The following NAA15 variants were observed in gnomAD, a reference collection of about 807,000 sequenced individuals.
NAA15 encodes the protein N-terminal acetyltransferase.
In NAA15, 34 loss-of-function variants were observed where a neutral mutation model predicts 114.0. The observed-to-expected ratio is 0.30, with a 90% CI of 0.23 to 0.40. NAA15 has a LOEUF of 0.40. NAA15 is among the 10% of genes least tolerant of loss of function. The pLI is 1.00. For synonymous variants in NAA15, 340 were observed against 338.0 expected (o/e 1.01, Z -0.06); for missense variants, 658 against 1,004.5 (o/e 0.66, Z 4.66).
intron 1 of NAA15, among the ~76,000 whole-genome samples, chr4:139,332,457 C>G (rs1747046898): frequency 6.6e-6 from 1 of 151,648 alleles, no homozygotes; most frequent in South Asian, 2.1e-4. Context: ...AAAATTTATC[C>G]TAATTTCTTT....
chr4:139,342,083 C>T (rs931170413), intron 4 of NAA15, among the ~76,000 whole-genome samples: 3 of 152,116 alleles, frequency 2.0e-5, no homozygotes, highest in Admixed American at 6.6e-5. Context: ...TTTGTAGCTT[C>T]GATTTTAACC....
intron 1 of NAA15, among the ~76,000 whole-genome samples, chr4:139,327,833 T>G (rs1197764721): frequency 6.6e-6 from 1 of 151,668 alleles, no homozygotes; most frequent in Non-Finnish European, 1.5e-5. Flanking sequence ...ACCCCGCTAA[T>G]TTTGTATTTT....
intron 14 of NAA15, 78 bp from the exon 15 acceptor site, chr4:139,370,133 G>C: frequency 8.6e-7 from 1 of 1,168,954 alleles, no homozygotes; most frequent in Non-Finnish European, 1.1e-6. Context: ...TGGAAGTTTG[G>C]TAGGATCAAA....
chr4:139,360,640 C>G lies in NAA15; in HGVS notation c.1539+12C>G. 2 of 1,570,620 alleles carry G rather than the reference C, an allele frequency of 1.3e-6. No homozygotes were observed. Among genetic ancestry groups the G allele is most frequent in the Non-Finnish European group, 8.6e-7 (1 of 1,161,904 alleles). ...ATGAGATTGAGAGAGTAAGTACCTT[C>G]TACATAAAAGTTTTCTTGTTTTATT... is the stretch of plus-strand genomic sequence containing the variant. On this transcript the variant is annotated intron_variant, in intron 13 of 19. Coordinates refer to ENST00000296543, the MANE Select transcript of NAA15 (RefSeq NM_057175.5).
In NAA15 at chr4:139,342,870, A is replaced by G. The variant is rs368817172; in HGVS notation, c.447A>G (p.Ala149=). Residue 149 remains alanine, a synonymous_variant, in exon 5 of 20, where the codon GCA becomes GCG. Coordinates refer to ENST00000296543, the MANE Select transcript of NAA15 (RefSeq NM_057175.5). ...TTCAGCTTCGACCTGCGCAGAGAGC[A>G]TCATGGATTGGTTATGCTATTGCTT... ...QLLQLRPAQR[A]SWIGYAIAYH... is the part of the protein sequence containing the mutation. 160 of 1,613,820 alleles carry G rather than the reference A, an allele frequency of 9.9e-5. No homozygotes were observed. The highest frequency in any genetic ancestry group is 1.3e-4 in the Admixed American group (8 of 59,994).
At chr4:139,358,281 C>T (rs1450507246) in intron 11 of NAA15, among the ~76,000 whole-genome samples, 3 of 151,582 alleles carry the variant, frequency 2.0e-5, no homozygotes, top group Non-Finnish European at 4.4e-5. Flanking sequence ...CAATGTCTGC[C>T]TTCCGGGTTG....
Position 139,348,025 on chromosome 4 carries a change from C to T in NAA15, c.692-1437C>T, listed in dbSNP as rs1245553805. Among the ~76,000 whole-genome samples the T allele has an allele frequency of 2.2e-5, 3 of 138,168 alleles. No individual in the cohort carries two copies. In the Admixed American group the frequency reaches 2.3e-4, roughly 11 times the overall value. The allele number at this position is 138,168 out of a possible 152,430, so 90.6% of individuals were successfully genotyped here. ...CCGCAGTCCGGCCTGGGCGACAGAG[C>T]GAGACTCCGTCTCAAAAAAAAAAAA... On this transcript the variant is annotated intron_variant, in intron 6 of 19. Coordinates refer to ENST00000296543, the MANE Select transcript of NAA15 (RefSeq NM_057175.5).
At chr4:139,327,205 G>A (rs527510026) in intron 1 of NAA15, among the ~76,000 whole-genome samples, 1 of 152,144 alleles carries the variant, frequency 6.6e-6, no homozygotes, top group South Asian at 2.1e-4. Flanking sequence ...CCAAAGTGTT[G>A]CAATTATAGA....
intron 3 of NAA15, among the ~76,000 whole-genome samples, chr4:139,339,272 A>T (rs189904949): frequency 1.3e-5 from 2 of 151,922 alleles, no homozygotes; most frequent in Admixed American, 6.5e-5. Flanking sequence ...TGAGGCAGCG[A>T]TCACTTGAGG....
At chr4:139,384,582 C>T (rs901305569) in intron 17 of NAA15, among the ~76,000 whole-genome samples, 2 of 152,112 alleles carry the variant, frequency 1.3e-5, no homozygotes, top group African/African-American at 4.8e-5. Flanking sequence ...TCATTGGCCT[C>T]ATCATTAGGT....
chr4:139,331,477 G>T, intron 1 of NAA15, among the ~76,000 whole-genome samples: 1 of 146,730 alleles, frequency 6.8e-6, no homozygotes, highest in African/African-American at 2.5e-5. Flanking sequence ...GACAGAGTCT[G>T]GCCCTGTTGC....
intron 6 of NAA15, among the ~76,000 whole-genome samples, chr4:139,345,465 A>G (rs2110920366): frequency 6.6e-6 from 1 of 152,332 alleles, no homozygotes; most frequent in East Asian, 1.9e-4. Context: ...CCCTTTGATA[A>G]CTTCATTAAT....
chr4:139,348,702 G>A (rs997827433), intron 6 of NAA15, among the ~76,000 whole-genome samples: 1 of 152,146 alleles, frequency 6.6e-6, no homozygotes, highest in Non-Finnish European at 1.5e-5. Context: ...TCTTCATCTG[G>A]CTTGTTTCCT....
At chr4:139,364,563 T>C (rs1459507157) in intron 14 of NAA15, among the ~76,000 whole-genome samples, 1 of 152,204 alleles carries the variant, frequency 6.6e-6, no homozygotes, top group African/African-American at 2.4e-5. Context: ...ATGCTACCTT[T>C]ATCATGATAA....
chr4:139,331,617 A>ATTTTTTTT (rs34467609), intron 1 of NAA15, among the ~76,000 whole-genome samples: 1 of 127,864 alleles, frequency 7.8e-6, no homozygotes, highest in Non-Finnish European at 1.6e-5. Context: ...TGCCCGGCTA[A>ATTTTTTTT]TTTTTTTTTT....
chr4:139,385,283 A>ATAAT (rs1553999084), intron 18 of NAA15, among the ~76,000 whole-genome samples: 12 of 100,490 alleles, frequency 1.2e-4, no homozygotes, highest in South Asian at 2.7e-4. Flanking sequence ...ATATATATAT[A>ATAAT]ATATATATAT....
chr4:139,317,937 T>C (rs1746468967), intron 1 of NAA15, among the ~76,000 whole-genome samples: 1 of 152,244 alleles, frequency 6.6e-6, no homozygotes. Context: ...CACTTTAATG[T>C]TCTTTCTTCA....
At chr4:139,315,868 T>C (rs1746394220) in intron 1 of NAA15, among the ~76,000 whole-genome samples, 1 of 151,662 alleles carries the variant, frequency 6.6e-6, no homozygotes, top group South Asian at 2.1e-4. Flanking sequence ...CCTCTTAGTC[T>C]CTCTCTTTTT....
intron 1 of NAA15, among the ~76,000 whole-genome samples, chr4:139,305,462 T>C (rs1449923583): frequency 1.3e-5 from 2 of 151,172 alleles, no homozygotes; most frequent in African/African-American, 4.9e-5. Flanking sequence ...TTTTGCCCGG[T>C]CTGATAAAGG....
Sources: gnomAD v4.1 joint callset for allele counts (sites outside exome capture counted in the v4.1 genomes callset) on GRCh38, gnomAD v4.1.1 for gene constraint, MANE v1.5 for transcripts, NCBI Gene and HGNC (gene_info 2026-07-23, HGNC 2026-07-21) for gene names.